The following PTPRD variants were observed in gnomAD, a reference collection of about 807,000 sequenced individuals.
The protein encoded by PTPRD is receptor-type tyrosine-protein phosphatase delta.
Under a neutral mutation model 214.5 loss-of-function variants are expected in PTPRD, and 34 were observed. That is an observed-to-expected ratio of 0.16 (90% CI 0.12 to 0.21). The LOEUF is 0.21. PTPRD is among the 10% of genes least tolerant of loss of function. PTPRD has a pLI of 1.00. For synonymous variants in PTPRD, 1,128 were observed against 845.7 expected, an observed-to-expected ratio of 1.33 and a Z score of -5.79; for missense variants, 2,545 against 2,398.7, an observed-to-expected ratio of 1.06 and a Z score of -1.27.
At chr9:9,083,764 A>G (rs1249869318) in intron 10 of PTPRD, among the ~76,000 whole-genome samples, 1 of 151,980 alleles carries the variant, frequency 6.6e-6, no homozygotes. Context: ...ACACTTCTCA[A>G]AAGAAGACAT....
chr9:10,594,454 G>C (rs906587879), intron 2 of PTPRD, among the ~76,000 whole-genome samples: 1 of 151,916 alleles, frequency 6.6e-6, no homozygotes, highest in Non-Finnish European at 1.5e-5. Context: ...GCTTAATAAA[G>C]CAAAAATAAA....
At chr9:10,467,994 G>T (rs1775347007) in intron 2 of PTPRD, among the ~76,000 whole-genome samples, 1 of 152,082 alleles carries the variant, frequency 6.6e-6, no homozygotes, top group Non-Finnish European at 1.5e-5. Flanking sequence ...TAAAAAGTCA[G>T]GAAACAACAG....
At chr9:9,977,976 G>C (rs1468703178) in intron 4 of PTPRD, among the ~76,000 whole-genome samples, 1 of 151,396 alleles carries the variant, frequency 6.6e-6, no homozygotes, top group Non-Finnish European at 1.5e-5. Context: ...CACATGGAAA[G>C]TGGGAAAACC....
intron 8 of PTPRD, among the ~76,000 whole-genome samples, chr9:9,551,040 T>C (rs1434977132): frequency 2.0e-5 from 3 of 151,970 alleles, no homozygotes; most frequent in African/African-American, 7.2e-5. Flanking sequence ...AAATTTATCA[T>C]GCAAATTTAA....
chr9:9,693,360 T>A (rs1016061985), intron 7 of PTPRD, among the ~76,000 whole-genome samples: 2 of 152,118 alleles, frequency 1.3e-5, no homozygotes, highest in African/African-American at 4.8e-5. Context: ...CTGATGGTTT[T>A]ATAGTTTTTC....
At chr9:9,749,868 A>G (rs1393759133) in intron 6 of PTPRD, among the ~76,000 whole-genome samples, 2 of 152,158 alleles carry the variant, frequency 1.3e-5, no homozygotes, top group African/African-American at 4.8e-5. Context: ...AATAAGTTTC[A>G]TAAGTTGAAG....
Position 9,624,449 on chromosome 9 carries a change from AT to A in PTPRD, c.-286-49669del, listed in dbSNP as rs527923351. ...AGGCATATGCCACCATGTCTGGCTA[AT>A]TTTTTTTTTGTATTTTTAGTAGAGA... is the stretch of plus-strand genomic sequence containing the variant. On this transcript the variant is annotated intron_variant, in intron 7 of 45. Coordinates refer to ENST00000381196, the MANE Select transcript of PTPRD (RefSeq NM_002839.4). 3.7e-4 allele frequency among the ~76,000 whole-genome samples: 55 copies of A among 148,586 alleles called. No individual in the cohort carries two copies. In the East Asian group the frequency reaches 3.8e-3, roughly 10 times the overall value.
At chr9:9,748,470 A>T (rs2098480926) in intron 6 of PTPRD, among the ~76,000 whole-genome samples, 1 of 152,240 alleles carries the variant, frequency 6.6e-6, no homozygotes, top group Non-Finnish European at 1.5e-5. Flanking sequence ...AGATCTGTCA[A>T]TTGTGATTCA....
intron 9 of PTPRD, among the ~76,000 whole-genome samples, chr9:9,213,382 A>T (rs1477438909): frequency 6.6e-6 from 1 of 152,238 alleles, no homozygotes; most frequent in African/African-American, 2.4e-5. Flanking sequence ...CACAAAACAC[A>T]GTGTTACTCT....
At chr9:9,981,199 A>C (rs1364521338) in intron 4 of PTPRD, among the ~76,000 whole-genome samples, 1 of 152,162 alleles carries the variant, frequency 6.6e-6, no homozygotes, top group Non-Finnish European at 1.5e-5. Context: ...CTATGGAAAA[A>C]TCGGCAGCAG....
intron 9 of PTPRD, among the ~76,000 whole-genome samples, chr9:9,191,295 A>T (rs1017096087): frequency 1.2e-4 from 18 of 152,080 alleles, no homozygotes; most frequent in African/African-American, 4.3e-4. Flanking sequence ...TGTGAATGAG[A>T]TAGGAAGGGG....
intron 3 of PTPRD, among the ~76,000 whole-genome samples, chr9:10,261,126 A>C (rs1278113640): frequency 6.7e-6 from 1 of 149,568 alleles, no homozygotes; most frequent in Non-Finnish European, 1.5e-5. Flanking sequence ...TGAATAAACT[A>C]CAAGCCTTTG....
At chr9:9,331,360 T>A (rs897707847) in intron 9 of PTPRD, among the ~76,000 whole-genome samples, 1 of 152,132 alleles carries the variant, frequency 6.6e-6, no homozygotes, top group African/African-American at 2.4e-5. Context: ...TATGATTGCC[T>A]GGCTCATTCT....
chr9:10,104,619 C>A (rs541103077), intron 3 of PTPRD, among the ~76,000 whole-genome samples: 147 of 151,820 alleles, frequency 9.7e-4, no homozygotes, highest in African/African-American at 3.4e-3. Flanking sequence ...ATAATATTTT[C>A]TTTGATTGCT....
At chr9:8,844,145 G>A (rs1452410996) in intron 11 of PTPRD, among the ~76,000 whole-genome samples, 1 of 152,050 alleles carries the variant, frequency 6.6e-6, no homozygotes, top group African/African-American at 2.4e-5. Context: ...ACATCTAAAA[G>A]GTCATTTATT....
intron 10 of PTPRD, among the ~76,000 whole-genome samples, chr9:9,051,050 T>C (rs1308013533): frequency 6.6e-6 from 1 of 152,208 alleles, no homozygotes; most frequent in Non-Finnish European, 1.5e-5. Flanking sequence ...ACAAAGATAA[T>C]GTAGCCTTCT....
At chr9:9,123,233 A>T (rs187928918) in intron 10 of PTPRD, among the ~76,000 whole-genome samples, 1 of 152,202 alleles carries the variant, frequency 6.6e-6, no homozygotes. Flanking sequence ...GTGCCATGTC[A>T]CTCCAACTCA....
chr9:9,049,068 C>T (rs141751346), intron 10 of PTPRD, among the ~76,000 whole-genome samples: 36 of 152,304 alleles, frequency 2.4e-4, no homozygotes, highest in African/African-American at 8.4e-4. Flanking sequence ...ATATACCAAG[C>T]ATCCAATGAT....
chr9:10,517,624 A>G (rs983720518), intron 2 of PTPRD, among the ~76,000 whole-genome samples: 1 of 152,040 alleles, frequency 6.6e-6, no homozygotes, highest in Non-Finnish European at 1.5e-5. Context: ...ATATGAATGT[A>G]TCAATATCTA....
Sources: allele counts gnomAD v4.1 joint callset (sites outside exome capture counted in the v4.1 genomes callset), GRCh38; gene constraint gnomAD v4.1.1; transcripts MANE v1.5; gene names NCBI Gene and HGNC (gene_info 2026-07-23, HGNC 2026-07-21).